The following CNTNAP3B variants were observed in gnomAD, a reference collection of about 807,000 sequenced individuals.
CNTNAP3B encodes the protein contactin-associated protein-like 3B.
In CNTNAP3B, 25 loss-of-function variants were observed where a neutral mutation model predicts 108.9. The ratio of observed to expected loss-of-function variants is 0.23; its 90% confidence interval spans 0.17 to 0.32. The LOEUF is 0.32. CNTNAP3B is among the 10% of genes least tolerant of loss of function. CNTNAP3B has a pLI of 1.00. For synonymous variants in CNTNAP3B, 103 were observed against 473.4 expected (o/e 0.22, Z 10.16); for missense variants, 252 against 1,210.4 (o/e 0.21, Z 11.75).
At chr9:42,118,129 C>T (rs555908789) in intron 1 of CNTNAP3B, among the ~76,000 whole-genome samples, 1 of 138,644 alleles carries the variant, frequency 7.2e-6, no homozygotes. Context: ...CCTTCTGAAA[C>T]TATTCCAATC....
intron 2 of CNTNAP3B, among the ~76,000 whole-genome samples, chr9:42,089,697 A>C (rs1309661224): frequency 6.8e-6 from 1 of 148,030 alleles, no homozygotes; most frequent in Admixed American, 6.7e-5. Flanking sequence ...TGTGCCAAGA[A>C]AGCATGATCA....
At chr9:41,936,586 T>G (rs1824163463) in intron 14 of CNTNAP3B, among the ~76,000 whole-genome samples, 1 of 152,218 alleles carries the variant, frequency 6.6e-6, no homozygotes, top group Non-Finnish European at 1.5e-5. Flanking sequence ...CTAACACACA[T>G]CATCACATTA....
intron 1 of CNTNAP3B, among the ~76,000 whole-genome samples, chr9:42,124,928 C>G (rs1828535760): frequency 7.2e-6 from 1 of 138,138 alleles, no homozygotes; most frequent in Non-Finnish European, 1.5e-5. Context: ...ATCAATTTAA[C>G]TACACTTACT....
chr9:42,079,680 C>T (rs1300268540), intron 2 of CNTNAP3B, among the ~76,000 whole-genome samples: 2 of 136,876 alleles, frequency 1.5e-5, no homozygotes, highest in Non-Finnish European at 3.1e-5. Flanking sequence ...TGCCACCACG[C>T]CCAGCTAATT....
intron 14 of CNTNAP3B, among the ~76,000 whole-genome samples, chr9:41,935,400 T>C (rs1291044706): frequency 6.6e-6 from 1 of 152,298 alleles, no homozygotes; most frequent in Admixed American, 6.5e-5. Flanking sequence ...ATACTATTTT[T>C]ATTATAAACT....
intron 1 of CNTNAP3B, among the ~76,000 whole-genome samples, chr9:42,116,807 C>G (rs1439347153): frequency 7.3e-6 from 1 of 136,190 alleles, no homozygotes; most frequent in African/African-American, 3.0e-5. Context: ...CACATAGGCT[C>G]AAAATAAAGG....
intron 1 of CNTNAP3B, among the ~76,000 whole-genome samples, chr9:42,115,934 G>T (rs1301693894): frequency 7.6e-6 from 1 of 131,612 alleles, no homozygotes; most frequent in Non-Finnish European, 1.6e-5. Flanking sequence ...GCTAAAGGAG[G>T]ATGTTCGAAC....
At chr9:42,096,303 T>A (rs1347119717) in intron 2 of CNTNAP3B, among the ~76,000 whole-genome samples, 1 of 139,398 alleles carries the variant, frequency 7.2e-6, no homozygotes, top group Non-Finnish European at 1.5e-5. Flanking sequence ...AGTCCCCACC[T>A]CTCTATGCAT....
At chr9:41,962,674 G>A (rs1485415307) in intron 11 of CNTNAP3B, among the ~76,000 whole-genome samples, 4 of 141,796 alleles carry the variant, frequency 2.8e-5, no homozygotes, top group African/African-American at 5.3e-5. Context: ...GTGTCACAGC[G>A]GCTGGGCATG....
intron 14 of CNTNAP3B, among the ~76,000 whole-genome samples, chr9:41,931,757 G>A (rs1214121291): frequency 6.7e-6 from 1 of 148,298 alleles, no homozygotes; most frequent in Admixed American, 6.7e-5. Context: ...TTTTATTAAT[G>A]TGGTAGCCAT....
chr9:41,936,082 G>T (rs1159526285), intron 14 of CNTNAP3B, among the ~76,000 whole-genome samples: 3 of 152,264 alleles, frequency 2.0e-5, no homozygotes, highest in Non-Finnish European at 4.4e-5. Flanking sequence ...AAAAACAGTT[G>T]ACCAGCCTGG....
At chr9:41,945,590 G>T (rs1210612111) in intron 13 of CNTNAP3B, among the ~76,000 whole-genome samples, 4 of 152,310 alleles carry the variant, frequency 2.6e-5, no homozygotes, top group African/African-American at 9.6e-5. Flanking sequence ...CACAGGAAGG[G>T]GAACATCACA....
chr9:41,938,655 C>T (rs1165950103), intron 13 of CNTNAP3B, among the ~76,000 whole-genome samples: 1 of 152,286 alleles, frequency 6.6e-6, no homozygotes, highest in Non-Finnish European at 1.5e-5. Context: ...CAGTCAGTTG[C>T]ACGTGATACA....
At chr9:41,928,341 T>C (rs1222815995) in intron 15 of CNTNAP3B, among the ~76,000 whole-genome samples, 2 of 152,058 alleles carry the variant, frequency 1.3e-5, no homozygotes, top group Non-Finnish European at 2.9e-5. Flanking sequence ...AGGTGGATGC[T>C]ACACACACAG....
chr9:42,056,043 C>T (rs1488062531), intron 3 of CNTNAP3B, among the ~76,000 whole-genome samples: 1 of 113,206 alleles, frequency 8.8e-6, no homozygotes, highest in Non-Finnish European at 1.8e-5. Context: ...ACTCAAGATA[C>T]ATAATGTCTT....
chr9:42,103,300 G>A (rs1285263845), intron 2 of CNTNAP3B, among the ~76,000 whole-genome samples: 2 of 148,886 alleles, frequency 1.3e-5, no homozygotes, highest in African/African-American at 5.2e-5. Flanking sequence ...AAGTTAAATT[G>A]TTCATGTTTC....
intron 14 of CNTNAP3B, among the ~76,000 whole-genome samples, chr9:41,934,140 TAC>T (rs1313208567): frequency 4.4e-5 from 5 of 113,354 alleles, no homozygotes; most frequent in African/African-American, 9.5e-5. Flanking sequence ...CATATATATA[TAC>T]ACACACATAT....
intron 3 of CNTNAP3B, among the ~76,000 whole-genome samples, chr9:42,063,031 G>T (rs1827201194): frequency 1.0e-5 from 1 of 100,102 alleles, no homozygotes. Flanking sequence ...TTTAACCACT[G>T]TAATAAATGT....
At position 41,966,868 on chromosome 9, in the gene CNTNAP3B, G is replaced by A. The variant is rs1353243062; in HGVS notation, c.1650-2224C>T. ...TGTAGTTCCAGCTACTCGGGAGGCCGAGGCATGAGAATGGCATGAACCCAG... is the reference window on the plus strand; with the variant it reads ...TGTAGTTCCAGCTACTCGGGAGGCCAAGGCATGAGAATGGCATGAACCCAG... On this transcript the variant is annotated intron_variant, in intron 10 of 23. Coordinates refer to ENST00000377561, the MANE Select transcript of CNTNAP3B (RefSeq NM_001201380.3). Among the ~76,000 whole-genome samples the A allele has an allele frequency of 2.6e-3, 387 of 148,952 alleles. 4 individuals carry two copies. Among genetic ancestry groups the A allele is most frequent in the African/African-American group, 9.1e-3 (359 of 39,266 alleles).
Sources: gnomAD v4.1 joint callset for allele counts (sites outside exome capture counted in the v4.1 genomes callset) on GRCh38, gnomAD v4.1.1 for gene constraint, MANE v1.5 for transcripts, NCBI Gene and HGNC (gene_info 2026-07-23, HGNC 2026-07-21) for gene names.